Variants in AGBL1 observed in about 807,000 individuals in gnomAD.
AGBL1 encodes the protein AGBL carboxypeptidase 1, also known as cytosolic carboxypeptidase 4.
Under a neutral mutation model 118.9 loss-of-function variants are expected in AGBL1, and 130 were observed. The ratio of observed to expected loss-of-function variants is 1.09; its 90% CI spans 0.95 to 1.26. The LOEUF is 1.26. AGBL1 is among the 50% of genes most tolerant of loss of function. The pLI, the probability that AGBL1 is intolerant of heterozygous loss-of-function variation, is 0.00. For missense variants in AGBL1, 1,584 were observed against 1,298.1 expected (o/e 1.22, Z -3.38); for synonymous variants, 555 against 478.9 (o/e 1.16, Z -2.08).
chr15:86,476,550 A>T (rs1255022609), intron 18 of AGBL1, among the ~76,000 whole-genome samples: 2 of 152,224 alleles, frequency 1.3e-5, no homozygotes, highest in Non-Finnish European at 2.9e-5. Flanking sequence ...ATATATATGC[A>T]CCCAATACAG....
intron 24 of AGBL1, among the ~76,000 whole-genome samples, chr15:87,004,396 G>C (rs1028183975): frequency 2.0e-5 from 3 of 152,090 alleles, no homozygotes; most frequent in African/African-American, 7.2e-5. Context: ...TATATATTTA[G>C]GATAGTTAGC....
chr15:86,537,378 C>T (rs569285289), intron 19 of AGBL1, among the ~76,000 whole-genome samples: 2 of 152,330 alleles, frequency 1.3e-5, no homozygotes, highest in South Asian at 4.1e-4. Flanking sequence ...TGGCAAAGGC[C>T]TCTCAGGCTG....
At chr15:86,882,430 C>G (rs539999608) in intron 22 of AGBL1, among the ~76,000 whole-genome samples, 1 of 151,904 alleles carries the variant, frequency 6.6e-6, no homozygotes, top group Non-Finnish European at 1.5e-5. Flanking sequence ...AGTCACTACA[C>G]CATTTCTCCC....
chr15:86,692,689 G>A (rs1004343558), intron 22 of AGBL1, among the ~76,000 whole-genome samples: 1 of 152,180 alleles, frequency 6.6e-6, no homozygotes, highest in Middle Eastern at 3.4e-3. Context: ...TGATTTGTGA[G>A]ACTTTGGTGC....
intron 22 of AGBL1, among the ~76,000 whole-genome samples, chr15:86,701,356 C>T (rs1271890819): frequency 6.6e-6 from 1 of 151,972 alleles, no homozygotes; most frequent in African/African-American, 2.4e-5. Context: ...TGTGTGTGTT[C>T]ATAATTCTGA....
chr15:86,631,404 G>A (rs2084963379), intron 21 of AGBL1, among the ~76,000 whole-genome samples: 2 of 152,162 alleles, frequency 1.3e-5, no homozygotes, highest in Non-Finnish European at 2.9e-5. Context: ...GTCAGTAACA[G>A]CATAAGTCAA....
chr15:86,619,577 T>C (rs2084776646), intron 21 of AGBL1, among the ~76,000 whole-genome samples: 1 of 152,166 alleles, frequency 6.6e-6, no homozygotes, highest in Non-Finnish European at 1.5e-5. Context: ...AATTAGACGC[T>C]GCTGGTCAGT....
chr15:86,231,919 A>G (rs963894060), intron 6 of AGBL1, among the ~76,000 whole-genome samples: 3 of 152,232 alleles, frequency 2.0e-5, no homozygotes, highest in Admixed American at 2.0e-4. Flanking sequence ...GAGGTTAGAA[A>G]AGAACATGGT....
intron 18 of AGBL1, among the ~76,000 whole-genome samples, chr15:86,438,657 C>CTT (rs35937855): frequency 1.5e-4 from 20 of 131,612 alleles, no homozygotes; most frequent in African/African-American, 2.6e-4. Context: ...TAATCTGTCT[C>CTT]TTTTTTTTTT....
At position 86,458,420 on chromosome 15, in the gene AGBL1, T is replaced by G. The variant is rs111795631; in HGVS notation, c.2555+60874T>G. On this transcript the variant is annotated intron_variant, in intron 18 of 22. Coordinates refer to ENST00000614907, the MANE Select transcript of AGBL1 (RefSeq NM_001386094.1). ...CAATTTTCTTTCTCTCTTTACCAAG[T>G]GACAGATTTAATGTAAACTGATTCT... Among the ~76,000 whole-genome samples the G allele has an allele frequency of 1.6e-3, 243 of 152,310 alleles. 1 individual carries two copies. The highest frequency in any genetic ancestry group is 5.7e-3 in the African/African-American group (236 of 41,570).
chr15:86,495,316 G>GA (rs2082834964), intron 18 of AGBL1, among the ~76,000 whole-genome samples: 6 of 149,930 alleles, frequency 4.0e-5, no homozygotes, highest in South Asian at 2.1e-4. Flanking sequence ...AAAACAAAAC[G>GA]AAACTCTAAT....
chr15:86,094,255 A>G (rs1457152912), intron 1 of AGBL1, among the ~76,000 whole-genome samples: 1 of 152,156 alleles, frequency 6.6e-6, no homozygotes, highest in Non-Finnish European at 1.5e-5. Context: ...TATCTATGAT[A>G]ATACTCTATT....
intron 5 of AGBL1, among the ~76,000 whole-genome samples, chr15:86,172,741 AT>A (rs1342850674): frequency 5.3e-5 from 8 of 152,208 alleles, no homozygotes; most frequent in Non-Finnish European, 1.2e-4. Context: ...TAAAAAATCC[AT>A]TTATCTGTTG....
chr15:86,203,642 C>G (rs1283663710), intron 5 of AGBL1, among the ~76,000 whole-genome samples: 1 of 152,180 alleles, frequency 6.6e-6, no homozygotes, highest in Non-Finnish European at 1.5e-5. Context: ...GCTACCTTTA[C>G]TCTGTTTAAT....
intron 23 of AGBL1, among the ~76,000 whole-genome samples, chr15:86,986,402 G>A (rs533705806): frequency 3.3e-5 from 5 of 152,174 alleles, no homozygotes; most frequent in South Asian, 4.1e-4. Context: ...ACACACTACC[G>A]TACTTTCTTA....
chr15:86,233,510 T>C (rs902615779), intron 6 of AGBL1, among the ~76,000 whole-genome samples: 2 of 152,088 alleles, frequency 1.3e-5, no homozygotes, highest in African/African-American at 2.4e-5. Context: ...TTTCCTTGCC[T>C]CTTGATAGGC....
At chr15:86,647,328 TGCTA>T (rs1204784380) in intron 21 of AGBL1, among the ~76,000 whole-genome samples, 6 of 152,362 alleles carry the variant, frequency 3.9e-5, no homozygotes, top group South Asian at 2.1e-4. Flanking sequence ...ATTTACTATA[TGCTA>T]GCTATTGTTT....
At chr15:86,221,103 C>T (rs1443140907) in intron 5 of AGBL1, among the ~76,000 whole-genome samples, 3 of 152,110 alleles carry the variant, frequency 2.0e-5, no homozygotes, top group African/African-American at 7.2e-5. Context: ...GAGGCTGAAT[C>T]AGGAGACTCA....
intron 22 of AGBL1, among the ~76,000 whole-genome samples, chr15:86,834,612 C>T (rs2079147488): frequency 6.6e-6 from 1 of 152,144 alleles, no homozygotes; most frequent in Non-Finnish European, 1.5e-5. Flanking sequence ...CTGTATCAGG[C>T]ACCTCCTTAT....
Sources: gnomAD v4.1 joint callset for allele counts (sites outside exome capture counted in the v4.1 genomes callset) on GRCh38, gnomAD v4.1.1 for gene constraint, MANE v1.5 for transcripts, NCBI Gene and HGNC (gene_info 2026-07-23, HGNC 2026-07-21) for gene names.